Variants in THBS1 observed in about 807,000 individuals in gnomAD.
THBS1 encodes thrombospondin 1.
A neutral mutation model predicts 126.1 loss-of-function variants in THBS1; 29 were observed. The observed-to-expected ratio is 0.23, with a 90% confidence interval of 0.17 to 0.31. THBS1 has a LOEUF of 0.31. Ranked by LOEUF, THBS1 falls within the 10% of genes least tolerant of loss-of-function variation. THBS1 has a pLI of 1.00. For synonymous variants in THBS1, 496 were observed against 577.8 expected (o/e 0.86, Z 2.03); for missense variants, 1,198 against 1,545.2 (o/e 0.78, Z 3.77).
At chr15:39,581,298 A>AG (rs902619439) in intron 1 of THBS1, 70 bp downstream of exon 1, 6 of 152,836 alleles carry the variant, frequency 3.9e-5, no homozygotes, top group African/African-American at 1.4e-4. Context: ...CTGAGGCTTC[A>AG]GTCCCTCTGG....
In THBS1 at chr15:39,589,457, A is replaced by G. The variant is rs536152513; in HGVS notation, c.1926+103A>G. 413 of 1,435,682 alleles carry G rather than the reference A, an allele frequency of 2.9e-4. No homozygotes were observed. The highest frequency in any genetic ancestry group is 3.6e-4 in the Non-Finnish European group (384 of 1,072,180). 88.9% of individuals were successfully genotyped at this position (1,435,682 alleles called of 1,614,324 possible). On this transcript the variant is annotated intron_variant, in intron 12 of 21. Coordinates refer to ENST00000260356, the MANE Select transcript of THBS1 (RefSeq NM_003246.4). This position sits in a 1 kb window ranked among gnomAD's most constrained non-coding sequence, Gnocchi z 4.7. ...AATTTCATACCCTTCACCAAAAAAA[A>G]AAGGGCGAGGAGATGAATGTACGGT...
At position 39,594,220 on chromosome 15, in the gene THBS1, C is replaced by G; in HGVS notation, c.3365+24C>G. On this transcript the variant is annotated intron_variant, in intron 20 of 21. Coordinates refer to ENST00000260356, the MANE Select transcript of THBS1 (RefSeq NM_003246.4). This position sits in a 1 kb window ranked among gnomAD's most constrained non-coding sequence, Gnocchi z 4.4. ...AGGTACGATCATACTGATTCACTTT[C>G]ACTTACAGTCACACTGAGGGACAAA... 1 of 1,613,884 alleles carries G rather than the reference C, an allele frequency of 6.2e-7. No homozygotes were observed. The highest frequency in any genetic ancestry group is 8.5e-7 in the Non-Finnish European group (1 of 1,179,806).
rs1890126592 is a variant in THBS1 at position 39,582,371 on chromosome 15, G to A, written c.246G>A (p.Val82=). 3 of 1,614,202 alleles carry A rather than the reference G, an allele frequency of 1.9e-6. No individual in the cohort carries two copies. The East Asian group carries it at 6.7e-5, about 36-fold the overall frequency. The change falls in exon 3 of 22, where the codon GTG becomes GTA. Residue 82 remains valine (V), a synonymous_variant. Transcript: ENST00000260356. ...AGTTCCAAGACCTGGTGGATGCTGT[G>A]CGGGCAGAAAAGGGTTTCCTCCTTC... is the stretch of plus-strand genomic sequence containing the variant. ...DDKFQDLVDA[V]RAEKGFLLLA...
chr15:39,584,325 A>G lies in THBS1; in HGVS notation c.929A>G (p.Asn310Ser), dbSNP rs781124325. 3 of 1,614,268 alleles carry G rather than the reference A, an allele frequency of 1.9e-6. No individual in the cohort carries two copies. Among genetic ancestry groups the G allele is most frequent in the South Asian group, 1.1e-5 (1 of 91,090 alleles). The change falls in exon 6 of 22, where the codon AAT becomes AGT. Residue 310 changes from asparagine to serine, a missense_variant. Asn to Ser is a conservative substitution (Grantham distance 46). Around this residue, in one of 4 missense-constraint regions of THBS1, gnomAD observed 663 missense variants for 860.1 expected, o/e 0.77. Coordinates refer to ENST00000260356, the MANE Select transcript of THBS1 (RefSeq NM_003246.4). ...KVTEENKELA[N>S]ELRRPPLCYH... ...ACTGAAGAGAACAAAGAGTTGGCCA[A>G]TGAGCTGAGGCGGCCTCCCCTATGC...
At position 39,589,044 on chromosome 15, in the gene THBS1, T is replaced by C; in HGVS notation, c.1731T>C (p.Pro577=). Reference sequence around the variant, plus strand: ...GCTGGAAATGTGGTGCTTGTCCCCCTGGTTACAGTGGAAATGGCATCCAGT... The same window carrying C: ...GCTGGAAATGTGGTGCTTGTCCCCCCGGTTACAGTGGAAATGGCATCCAGT... ...DGSWKCGACP[P]GYSGNGIQCT... The change falls in exon 11 of 22, where the codon CCT becomes CCC. Residue 577 remains proline, a synonymous_variant. Transcript: ENST00000260356. The surrounding 1 kb of genome is among the most constrained non-coding windows in gnomAD (Gnocchi z 4.7). 6.2e-7 allele frequency: 1 copy of C among 1,614,132 alleles called. No homozygotes were observed. Among genetic ancestry groups the C allele is most frequent in the Non-Finnish European group, 8.5e-7 (1 of 1,180,026 alleles).
intron 7 of THBS1, chr15:39,586,536 G>A (rs770808401): frequency 1.3e-5 from 2 of 152,206 alleles, no homozygotes; most frequent in Admixed American, 6.5e-5. Context: ...CAAACATGCT[G>A]TCCTCTTATG....
intron 21 of THBS1, among the ~76,000 whole-genome samples, 193 bp from the exon 22 acceptor site, chr15:39,595,169 G>A (rs999703451): frequency 3.3e-5 from 5 of 152,204 alleles, no homozygotes; most frequent in Admixed American, 2.6e-4. Flanking sequence ...GAAGGTTCAC[G>A]CTGTGTCGGT....
rs111542735 is a variant in THBS1 at position 39,583,581 on chromosome 15, T to A, written c.628-36T>A. ...CCCCAACCCCATCCCCACCCCGCTC[T>A]GCATTCTACAAGTAATGTGTGTCCT... is the stretch of plus-strand genomic sequence containing the variant. On this transcript the variant is annotated intron_variant, in intron 3 of 21. Transcript: ENST00000260356. The A allele has an allele frequency of 2.6e-3, 2,648 of 1,020,416 alleles. 44 individuals carry two copies. The African/African-American group carries it at 0.037, about 14-fold the overall frequency. 63.2% of individuals were successfully genotyped at this position (1,020,416 alleles called of 1,614,324 possible).
chr15:39,596,702 A>G lies in THBS1; in HGVS notation c.*1333A>G, dbSNP rs956049672. 8 of 152,194 alleles carry G rather than the reference A, an allele frequency of 5.3e-5. No individual in the cohort carries two copies. The highest frequency in any genetic ancestry group is 3.9e-4 in the Admixed American group (6 of 15,280). 9.4% of individuals were successfully genotyped at this position (152,194 alleles called of 1,614,324 possible). A position where few individuals can be genotyped will look rare whatever the true frequency, so the allele number is the denominator to read the frequency against. On this transcript the variant is annotated 3_prime_UTR_variant, in exon 22 of 22. Coordinates refer to ENST00000260356, the MANE Select transcript of THBS1 (RefSeq NM_003246.4). ...TTTTTTTCTCTGTTTTATCTTTTCA[A>G]GTGGAATTAGTTGGTTATCCATTTG...
Position 39,591,209 on chromosome 15 carries a change from T to C in THBS1, c.2272T>C (p.Tyr758His). The C allele has an allele frequency of 6.2e-7, 1 of 1,614,052 alleles. No individual in the cohort carries two copies. The highest frequency in any genetic ancestry group is 8.5e-7 in the Non-Finnish European group (1 of 1,179,982). The change falls in exon 15 of 22, where the codon TAC (tyrosine) becomes CAC (histidine). Residue 758 changes from tyrosine to histidine, a missense_variant. This residue lies in a region of THBS1 where 663 missense variants were observed against 860.1 expected (regional missense o/e 0.77). Coordinates refer to ENST00000260356, the MANE Select transcript of THBS1 (RefSeq NM_003246.4). ...TTTGCAGGACAACTGTCCATTCCAT[T>C]ACAACCCAGCTCAGTATGACTATGA... ...PDDRDNCPFHYNPAQYDYDRD... is the reference protein window; with the variant it reads ...PDDRDNCPFHHNPAQYDYDRD...
rs1276152619 is a variant in THBS1 at position 39,584,543 on chromosome 15, G to T, written c.1026+121G>T. Reference sequence around the variant, plus strand: ...ATGTTCCATGGCCTGATAACAAAGTGTTTTTTTTTTCTTTAAGATGCAATT... The same window carrying T: ...ATGTTCCATGGCCTGATAACAAAGTTTTTTTTTTTTCTTTAAGATGCAATT... On this transcript the variant is annotated intron_variant, in intron 6 of 21. Coordinates refer to ENST00000260356, the MANE Select transcript of THBS1 (RefSeq NM_003246.4). The T allele has an allele frequency of 3.5e-5, 42 of 1,196,336 alleles. No homozygotes were observed. The East Asian group carries it at 3.7e-4, about 10-fold the overall frequency. The allele number at this position is 1,196,336 out of a possible 1,614,324, so 74.1% of individuals were successfully genotyped here.
rs1335653790 is a variant in THBS1, at chr15:39,594,893, T to TTTTTTA, written c.3505+453_3505+454insTTTTTA. On this transcript the variant is annotated intron_variant, in intron 21 of 21. Coordinates refer to ENST00000260356, the MANE Select transcript of THBS1 (RefSeq NM_003246.4). This position sits in a 1 kb window ranked among gnomAD's most constrained non-coding sequence, Gnocchi z 4.4. ...TTAAATTAATGTTCACTATTAAACT[T>TTTTTTA]AGCATTTTTTTTCCTCATTCTTTTT... is the stretch of plus-strand genomic sequence containing the variant. Among the ~76,000 whole-genome samples, 6 of 152,348 alleles carry TTTTTTA rather than the reference T, an allele frequency of 3.9e-5. No individual in the cohort carries two copies. The South Asian group carries it at 1.2e-3, about 32-fold the overall frequency.
intron 9 of THBS1, 69 bp from the exon 10 acceptor site, chr15:39,588,457 G>A (rs1457502729): frequency 1.3e-6 from 2 of 1,503,718 alleles, no homozygotes; most frequent in Non-Finnish European, 1.8e-6. Context: ...ACGGGCTTAG[G>A]AGAGTCTATG....
At position 39,594,042 on chromosome 15, in the gene THBS1, TA is replaced by T; in HGVS notation, c.3268-56del. On this transcript the variant is annotated intron_variant, in intron 19 of 21. Transcript: ENST00000260356. This position sits in a 1 kb window ranked among gnomAD's most constrained non-coding sequence, Gnocchi z 4.4. ...AAGCATTGTTTCTGATGGAATGAAA[TA>T]GAAATCTTTACCTGAAGGAGCTGTG... The T allele has an allele frequency of 6.6e-7, 1 of 1,523,206 alleles. No individual in the cohort carries two copies. The highest frequency in any genetic ancestry group is 2.4e-5 in the East Asian group (1 of 42,422). 94.4% of individuals were successfully genotyped at this position (1,523,206 alleles called of 1,614,324 possible).
At chr15:39,581,634 C>T (rs1890104601) in intron 1 of THBS1, 195 bp from the exon 2 acceptor site, 1 of 461,900 alleles carries the variant, frequency 2.2e-6, no homozygotes, top group Non-Finnish European at 3.9e-6. Context: ...CATCTCTTTC[C>T]TCCACCTCTC....
Position 39,593,305 on chromosome 15 carries a change from C to G in THBS1, c.2995+78C>G. 3 of 1,611,284 alleles carry G rather than the reference C, an allele frequency of 1.9e-6. No individual in the cohort carries two copies. Among genetic ancestry groups the G allele is most frequent in the South Asian group, 1.1e-5 (1 of 90,910 alleles). On this transcript the variant is annotated intron_variant, in intron 18 of 21. Transcript: ENST00000260356. The surrounding 1 kb of genome is among the most constrained non-coding windows in gnomAD (Gnocchi z 5.9). ...CAAATATAAAACCTGGCAGTTGTAC[C>G]TATCCCTGTGGGTGCTGAGGATGTC... is the stretch of plus-strand genomic sequence containing the variant.
Position 39,595,347 on chromosome 15 carries a change from T to C in THBS1, c.3506-15T>C. ...TTTTCATTTGTATATTTATTTATAT[T>C]TGTTTATTTAACAGATCCCTAATCA... On this transcript the variant is annotated splice_polypyrimidine_tract_variant and intron_variant, in intron 21 of 21. Transcript: ENST00000260356. 7.0e-7 allele frequency: 1 copy of C among 1,426,272 alleles called. No individual in the cohort carries two copies. Among genetic ancestry groups the C allele is most frequent in the Non-Finnish European group, 9.3e-7 (1 of 1,073,946 alleles). 88.4% of individuals were successfully genotyped at this position (1,426,272 alleles called of 1,614,324 possible).
Position 39,581,915 on chromosome 15 carries a change from C to T in THBS1, c.58C>T (p.Arg20Cys), listed in dbSNP as rs201203521. 12 of 1,614,032 alleles carry T rather than the reference C, an allele frequency of 7.4e-6. No homozygotes were observed. The East Asian group carries it at 1.6e-4, about 21-fold the overall frequency. Residue 20 changes from arginine to cysteine, a missense_variant, in exon 2 of 22, where the codon CGC (arginine) becomes TGC (cysteine). By Grantham distance (180) the Arg-to-Cys change is radical. Transcript: ENST00000260356. ...CCTGATGCATGTGTGTGGCACCAAC[C>T]GCATTCCAGGTGAGTTTGTGTGGCA... is the stretch of plus-strand genomic sequence containing the variant. ...LFLMHVCGTN[R>C]IPESGGDNSV... is the part of the protein sequence containing the mutation.
In THBS1 at chr15:39,590,544, G is replaced by C; in HGVS notation, c.2174G>C (p.Gly725Ala). 6.2e-7 allele frequency: 1 copy of C among 1,613,684 alleles called. No homozygotes were observed. Among genetic ancestry groups the C allele is most frequent in the Non-Finnish European group, 8.5e-7 (1 of 1,179,874 alleles). Residue 725 changes from glycine to alanine, a missense_variant, in exon 14 of 22, where the codon GGG (glycine) becomes GCG (alanine). By Grantham distance (60) the Gly-to-Ala change is moderately conservative (BLOSUM62 0). Around this residue, in one of 4 missense-constraint regions of THBS1, gnomAD observed 663 missense variants for 860.1 expected, o/e 0.77. Coordinates refer to ENST00000260356, the MANE Select transcript of THBS1 (RefSeq NM_003246.4). Reference protein sequence around the residue: ...KDNCPNLPNSGQEDYDKDGIG... With the variant: ...KDNCPNLPNSAQEDYDKDGIG... ...AATTGCCCCAACCTTCCCAACTCAG[G>C]GCAGGAAGACTATGACAAGGATGGA...
Sources: allele counts gnomAD v4.1 joint callset (sites outside exome capture counted in the v4.1 genomes callset), GRCh38; gene constraint gnomAD v4.1.1; regional missense constraint gnomAD v4.1.1; non-coding constraint Gnocchi (gnomAD v3.1); transcripts MANE v1.5; gene names NCBI Gene and HGNC (gene_info 2026-07-23, HGNC 2026-07-21).